Variants in CSMD2 observed in about 807,000 individuals in gnomAD.
CSMD2 encodes CUB and Sushi multiple domains 2.
Under a neutral mutation model 398.5 loss-of-function variants are expected in CSMD2, and 130 were observed. That is an observed-to-expected ratio of 0.33 (90% CI 0.28 to 0.38). CSMD2 has a LOEUF of 0.38. CSMD2 is among the 10% of genes least tolerant of loss of function. CSMD2 has a pLI of 1.00. For missense variants in CSMD2, 3,829 were observed against 4,764.9 expected, an observed-to-expected ratio of 0.80 and a Z score of 5.78; for synonymous variants, 1,828 against 1,908.5, an observed-to-expected ratio of 0.96 and a Z score of 1.10.
chr1:33,897,489 C>A (rs939574631), intron 5 of CSMD2, among the ~76,000 whole-genome samples: 11 of 152,340 alleles, frequency 7.2e-5, no homozygotes, highest in Non-Finnish European at 1.5e-5. Flanking sequence ...CTGGGGTAAA[C>A]AAGCTGCTGC....
At chr1:33,955,292 C>A (rs1645130729) in intron 3 of CSMD2, among the ~76,000 whole-genome samples, 1 of 152,200 alleles carries the variant, frequency 6.6e-6, no homozygotes, top group Non-Finnish European at 1.5e-5. Flanking sequence ...GTGTGCCGAG[C>A]TTTGTTGTGA....
At chr1:34,132,895 T>A (rs1638284153) in intron 1 of CSMD2, among the ~76,000 whole-genome samples, 1 of 151,996 alleles carries the variant, frequency 6.6e-6, no homozygotes, top group Non-Finnish European at 1.5e-5. Flanking sequence ...GTGGGGCTTT[T>A]CAGCCTTCAT....
intron 41 of CSMD2, among the ~76,000 whole-genome samples, chr1:33,608,934 T>C (rs1570930065): frequency 6.6e-6 from 1 of 152,186 alleles, no homozygotes; most frequent in Non-Finnish European, 1.5e-5. Context: ...GGGGAAGGCG[T>C]TGCATCTGTC....
At position 33,567,670 on chromosome 1, in the gene CSMD2, C is replaced by G. The variant is rs757540340; in HGVS notation, c.8303G>C (p.Gly2768Ala). Residue 2768 changes from glycine (G) to alanine (A), a missense_variant, in exon 53 of 71, where the codon GGC (glycine) becomes GCC (alanine). Coordinates refer to ENST00000373381, the MANE Select transcript of CSMD2 (RefSeq NM_001281956.2). ...RGSVVYQCNA[G>A]FRLIGMSVRI... is the part of the protein sequence containing the mutation. ...CACAGACATGCCGATCAGGCGGAAG[C>G]CAGCATTGCATTGGTACACCACACT... 1.2e-6 allele frequency: 2 copies of G among 1,614,122 alleles called. No homozygotes were observed. Among genetic ancestry groups the G allele is most frequent in the South Asian group, 2.2e-5 (2 of 91,080 alleles).
Position 33,559,400 on chromosome 1 carries a change from C to T in CSMD2, c.8454G>A (p.Val2818=). The T allele has an allele frequency of 6.5e-7, 1 of 1,536,112 alleles. No homozygotes were observed. The highest frequency in any genetic ancestry group is 1.4e-5 in the African/African-American group (1 of 73,134). The change falls in exon 54 of 71, where the codon GTG becomes GTA. Residue 2818 remains valine, a synonymous_variant. Coordinates refer to ENST00000373381, the MANE Select transcript of CSMD2 (RefSeq NM_001281956.2). This position sits in a 1 kb window ranked among gnomAD's most constrained non-coding sequence, Gnocchi z 4.0. ...TQGNQFNLND[V]VKFVCNPGYM... ...ACCCAGGGTTGCAAACAAACTTGAC[C>T]ACATCGTTGAGGTTAAACTGGTTAC...
chr1:33,595,802 G>T (rs538680660), intron 44 of CSMD2, among the ~76,000 whole-genome samples: 138 of 152,280 alleles, frequency 9.1e-4, no homozygotes, highest in African/African-American at 3.2e-3. Context: ...TCTTCAAGGA[G>T]CCCTGGTCCA....
At position 33,624,666 on chromosome 1, in the gene CSMD2, C is replaced by A; in HGVS notation, c.5501-23G>T. On this transcript the variant is annotated intron_variant, in intron 34 of 70. Transcript: ENST00000373381. The surrounding 1 kb of genome is among the most constrained non-coding windows in gnomAD (Gnocchi z 4.7). ...GCACTGGGAGGAGAGGCCATCGGGTCAGAGGCTTTGTGGCCTCCCGTGGGA... is the reference window on the plus strand; with the variant it reads ...GCACTGGGAGGAGAGGCCATCGGGTAAGAGGCTTTGTGGCCTCCCGTGGGA... 6.2e-7 allele frequency: 1 copy of A among 1,601,228 alleles called. No homozygotes were observed. The highest frequency in any genetic ancestry group is 1.1e-5 in the South Asian group (1 of 90,616).
At chr1:34,062,613 G>A (rs984541516) in intron 2 of CSMD2, among the ~76,000 whole-genome samples, 5 of 152,216 alleles carry the variant, frequency 3.3e-5, no homozygotes, top group Admixed American at 6.5e-5. Context: ...GGTCCATCCC[G>A]AGGGTGGGAC....
chr1:33,888,712 A>C (rs1425046681), intron 5 of CSMD2, among the ~76,000 whole-genome samples: 1 of 152,088 alleles, frequency 6.6e-6, no homozygotes, highest in Non-Finnish European at 1.5e-5. Context: ...CCAAGACACA[A>C]AACTGAGAAG....
At chr1:33,743,648 A>G (rs967572471) in intron 13 of CSMD2, 42 bp from the exon 14 acceptor site, 3 of 1,420,912 alleles carry the variant, frequency 2.1e-6, no homozygotes, top group Non-Finnish European at 2.9e-6. Flanking sequence ...CATCCCCAAC[A>G]TTCTGCCTGC....
At chr1:33,743,145 T>C in intron 14 of CSMD2, 135 bp downstream of exon 14, 1 of 687,594 alleles carries the variant, frequency 1.5e-6, no homozygotes. Context: ...GCTCCATGAC[T>C]GGGCACTGCA....
chr1:33,865,302 C>A (rs967479848), intron 5 of CSMD2, among the ~76,000 whole-genome samples: 9 of 151,428 alleles, frequency 5.9e-5, no homozygotes, highest in Admixed American at 3.3e-4. Context: ...CCTGAGGGAA[C>A]CCAGGATTTC....
intron 14 of CSMD2, among the ~76,000 whole-genome samples, chr1:33,741,271 C>T (rs1191730295): frequency 6.6e-6 from 1 of 152,098 alleles, no homozygotes; most frequent in Non-Finnish European, 1.5e-5. Context: ...AGCTCCCTGA[C>T]ACTGGGCAAA....
At chr1:33,810,121 A>G (rs1164985619) in intron 10 of CSMD2, among the ~76,000 whole-genome samples, 4 of 152,176 alleles carry the variant, frequency 2.6e-5, no homozygotes, top group African/African-American at 9.6e-5. Context: ...TAAAATAAAG[A>G]TTCCAACAGG....
intron 44 of CSMD2, among the ~76,000 whole-genome samples, chr1:33,596,744 C>T (rs1046435052): frequency 3.1e-4 from 47 of 152,180 alleles, no homozygotes; most frequent in African/African-American, 1.0e-3. Context: ...TCAATTATCT[C>T]CACCTGGTCC....
At chr1:33,529,297 C>T (rs757031774) in intron 64 of CSMD2, among the ~76,000 whole-genome samples, 1 of 152,198 alleles carries the variant, frequency 6.6e-6, no homozygotes, top group Non-Finnish European at 1.5e-5. Flanking sequence ...TACACCACCA[C>T]TCCTGGCTAA....
At position 33,625,212 on chromosome 1, in the gene CSMD2, T is replaced by C. The variant is rs769455634; in HGVS notation, c.5339A>G (p.Glu1780Gly). 1.3e-5 allele frequency: 21 copies of C among 1,611,670 alleles called. No homozygotes were observed. Among genetic ancestry groups the C allele is most frequent in the African/African-American group, 2.7e-5 (2 of 74,050 alleles). The change falls in exon 34 of 71, where the codon GAA becomes GGA. Residue 1780 changes from glutamate (E) to glycine (G), a missense_variant. Physicochemically the swap from Glu to Gly is moderately conservative, Grantham distance 98. Around this residue, in one of 5 missense-constraint regions of CSMD2, gnomAD observed 2,001 missense variants for 2,567.1 expected, o/e 0.78. Coordinates refer to ENST00000373381, the MANE Select transcript of CSMD2 (RefSeq NM_001281956.2). ...GCCCAGCCTCTTGCCATAGCGGGGTTCCGGCACAGAGCTGCACTGCGTGGC... is the reference window on the plus strand; with the variant it reads ...GCCCAGCCTCTTGCCATAGCGGGGTCCCGGCACAGAGCTGCACTGCGTGGC... The part of the protein sequence containing the change: ...TSATQCSSVP[E>G]PRYGKRLGSD...
chr1:33,618,554 A>G (rs1641549181), intron 37 of CSMD2, among the ~76,000 whole-genome samples: 1 of 151,994 alleles, frequency 6.6e-6, no homozygotes, highest in Non-Finnish European at 1.5e-5. Context: ...TTGACTTTTC[A>G]AATTCAACCT....
At chr1:33,538,651 A>G (rs974019209) in intron 60 of CSMD2, among the ~76,000 whole-genome samples, 1 of 152,246 alleles carries the variant, frequency 6.6e-6, no homozygotes, top group Non-Finnish European at 1.5e-5. Context: ...ATCCAGAAGG[A>G]GGCAACTGAA....
Sources: allele counts gnomAD v4.1 joint callset (sites outside exome capture counted in the v4.1 genomes callset), GRCh38; gene constraint gnomAD v4.1.1; regional missense constraint gnomAD v4.1.1; non-coding constraint Gnocchi (gnomAD v3.1); transcripts MANE v1.5; gene names NCBI Gene and HGNC (gene_info 2026-07-23, HGNC 2026-07-21).